Variants in CYB5R4 observed in about 807,000 individuals in gnomAD.
The protein encoded by CYB5R4 is N-terminal cytochrome b5 and cytochrome b5 oxidoreductase domain-containing protein.
In CYB5R4, 55 loss-of-function variants were observed where a neutral mutation model predicts 70.2. That is an observed-to-expected ratio of 0.78 (90% confidence interval 0.63 to 0.98). The LOEUF (loss-of-function observed/expected upper bound fraction) is 0.98, where lower values mean the gene tolerates loss of function less well. CYB5R4 is among the 50% of genes least tolerant of loss of function. The pLI, the probability that CYB5R4 is intolerant of heterozygous loss-of-function variation, is 0.00. For synonymous variants in CYB5R4, 197 were observed against 199.5 expected (o/e 0.99, Z 0.11); for missense variants, 562 against 612.6 (o/e 0.92, Z 0.87).
At chr6:83,889,103 G>A (rs1056763591) in intron 2 of CYB5R4, among the ~76,000 whole-genome samples, 3 of 152,188 alleles carry the variant, frequency 2.0e-5, no homozygotes, top group Non-Finnish European at 4.4e-5. Flanking sequence ...TGGTTCATGA[G>A]GTTTAAGGAA....
intron 3 of CYB5R4, among the ~76,000 whole-genome samples, chr6:83,894,235 T>C (rs897464325): frequency 2.0e-5 from 3 of 152,234 alleles, no homozygotes; most frequent in African/African-American, 7.2e-5. Flanking sequence ...ATTTTAAAGT[T>C]ATGCAGAATG....
At chr6:83,913,421 C>A (rs2099465003) in intron 4 of CYB5R4, among the ~76,000 whole-genome samples, 1 of 152,160 alleles carries the variant, frequency 6.6e-6, no homozygotes, top group Non-Finnish European at 1.5e-5. Context: ...AGATTTCATT[C>A]AAGTCCTTTG....
chr6:83,921,158 T>G lies in CYB5R4; in HGVS notation c.641T>G (p.Leu214Ter). 6.6e-7 allele frequency: 1 copy of G among 1,515,240 alleles called. No homozygotes were observed. The highest frequency in any genetic ancestry group is 9.0e-7 in the Non-Finnish European group (1 of 1,113,494). The allele number at this position is 1,515,240 out of a possible 1,614,324, so 93.9% of individuals were successfully genotyped here. ...FRAETIIKDC[L>*]YLIHIGLSHE... ...GCAGAAACAATTATTAAGGATTGTTTATATCTTATACATATTGGTGAGTAC... is the reference window on the plus strand; with the variant it reads ...GCAGAAACAATTATTAAGGATTGTTGATATCTTATACATATTGGTGAGTAC... Residue 214 changes from leucine to a stop codon, truncating the protein, a stop_gained, in exon 8 of 16, where the codon TTA becomes TGA. Coordinates refer to ENST00000369681, the MANE Select transcript of CYB5R4 (RefSeq NM_016230.4). LOFTEE classifies it high-confidence loss of function.
chr6:83,896,829 GT>G (rs1214535764), intron 3 of CYB5R4, among the ~76,000 whole-genome samples: 1 of 151,768 alleles, frequency 6.6e-6, no homozygotes, highest in African/African-American at 2.4e-5. Flanking sequence ...TAATATTTTA[GT>G]TTTTTAAGAA....
intron 12 of CYB5R4, among the ~76,000 whole-genome samples, chr6:83,937,422 C>G (rs1231068396): frequency 2.0e-5 from 3 of 152,150 alleles, no homozygotes; most frequent in Non-Finnish European, 2.9e-5. Context: ...CATTACAAGA[C>G]TTTGAGTTTA....
chr6:83,910,050 C>T, intron 4 of CYB5R4: 2 of 1,612,378 alleles, frequency 1.2e-6, no homozygotes, highest in Non-Finnish European at 1.7e-6. Context: ...CATTGGACAG[C>T]TCTTTGGTTC....
intron 14 of CYB5R4, among the ~76,000 whole-genome samples, chr6:83,946,771 C>G (rs1200775274): frequency 6.6e-6 from 1 of 151,868 alleles, no homozygotes; most frequent in African/African-American, 2.4e-5. Flanking sequence ...TTCCTATACA[C>G]CAATAATAGA....
chr6:83,912,859 C>T (rs2099464903), intron 4 of CYB5R4, among the ~76,000 whole-genome samples: 1 of 152,152 alleles, frequency 6.6e-6, no homozygotes, highest in African/African-American at 2.4e-5. Context: ...TCTCTTTCTA[C>T]TAGTACTTCT....
chr6:83,903,464 A>C (rs1188952847), intron 3 of CYB5R4, among the ~76,000 whole-genome samples: 1 of 151,964 alleles, frequency 6.6e-6, no homozygotes, highest in East Asian at 1.9e-4. Context: ...TATCAGTGAT[A>C]TTGTAGTTTT....
intron 14 of CYB5R4, among the ~76,000 whole-genome samples, 156 bp downstream of exon 14, chr6:83,940,757 TC>T (rs1371502266): frequency 6.6e-6 from 1 of 152,160 alleles, no homozygotes; most frequent in African/African-American, 2.4e-5. Flanking sequence ...TGTTAAATGT[TC>T]CCCTTCCCTC....
chr6:83,960,193 A>G lies in CYB5R4; in HGVS notation c.*315A>G, dbSNP rs1284374471. On this transcript the variant is annotated 3_prime_UTR_variant, in exon 16 of 16. Coordinates refer to ENST00000369681, the MANE Select transcript of CYB5R4 (RefSeq NM_016230.4). ...GTTCTACAATAAGCACTTGTGTTTT[A>G]TGACATGATAAAGTAAATGATCACT... 9.9e-6 allele frequency: 2 copies of G among 202,292 alleles called. No homozygotes were observed. The highest frequency in any genetic ancestry group is 2.0e-5 in the Non-Finnish European group (2 of 101,624). 12.5% of individuals were successfully genotyped at this position (202,292 alleles called of 1,614,324 possible). A position where few individuals can be genotyped will look rare whatever the true frequency, so the allele number is the denominator to read the frequency against.
chr6:83,880,437 G>A (rs902751502), intron 2 of CYB5R4, among the ~76,000 whole-genome samples: 1 of 151,994 alleles, frequency 6.6e-6, no homozygotes, highest in African/African-American at 2.4e-5. Context: ...TAGACAGTCA[G>A]GAAAATGAAC....
chr6:83,879,504 C>G (rs943199074), intron 2 of CYB5R4, among the ~76,000 whole-genome samples: 2 of 152,106 alleles, frequency 1.3e-5, no homozygotes, highest in Non-Finnish European at 2.9e-5. Flanking sequence ...TTTACTGCCC[C>G]TTTCCATCAA....
rs147306458 is a variant in CYB5R4, at chr6:83,881,239, G to A, written c.230-12283G>A. Reference sequence around the variant, plus strand: ...ACCCAGGCTGGAGTGCAGTGGTGCAGTACCAGCTCACTGCAGCCTCAGACT... The same window carrying A: ...ACCCAGGCTGGAGTGCAGTGGTGCAATACCAGCTCACTGCAGCCTCAGACT... On this transcript the variant is annotated intron_variant, in intron 2 of 15. Transcript: ENST00000369681. 1.1e-4 allele frequency among the ~76,000 whole-genome samples: 17 copies of A among 151,894 alleles called. No homozygotes were observed. In the East Asian group the frequency reaches 3.3e-3, roughly 29 times the overall value.
intron 14 of CYB5R4, among the ~76,000 whole-genome samples, chr6:83,943,756 A>G (rs1489696304): frequency 6.6e-6 from 1 of 152,056 alleles, no homozygotes; most frequent in Non-Finnish European, 1.5e-5. Flanking sequence ...CAGTTTGGAG[A>G]AGAACATAAA....
chr6:83,952,995 T>C (rs6454349), intron 14 of CYB5R4, among the ~76,000 whole-genome samples: 43,901 of 152,102 alleles, frequency 0.29, 12,062 homozygotes, highest in African/African-American at 0.72. Context: ...CCTCTTATGC[T>C]GACAGATATG....
chr6:83,924,069 CAAAAAAA>C (rs34702511), intron 9 of CYB5R4, among the ~76,000 whole-genome samples: 2 of 52,896 alleles, frequency 3.8e-5, no homozygotes, highest in East Asian at 5.1e-4. Flanking sequence ...GACTCCGTCT[CAAAAAAA>C]AAAAAAAAAA....
chr6:83,900,823 G>A (rs2099462805), intron 3 of CYB5R4, among the ~76,000 whole-genome samples: 1 of 152,098 alleles, frequency 6.6e-6, no homozygotes, highest in African/African-American at 2.4e-5. Context: ...TTGCTTGGTA[G>A]ATCTTCCTCC....
chr6:83,933,456 T>A (rs1274354822), intron 10 of CYB5R4, among the ~76,000 whole-genome samples: 2 of 152,198 alleles, frequency 1.3e-5, no homozygotes, highest in Non-Finnish European at 2.9e-5. Context: ...GATTATTAGC[T>A]GTTGGCCCTT....
Sources: gnomAD v4.1 joint callset for allele counts (sites outside exome capture counted in the v4.1 genomes callset) on GRCh38, gnomAD v4.1.1 for gene constraint, MANE v1.5 for transcripts, NCBI Gene and HGNC (gene_info 2026-07-23, HGNC 2026-07-21) for gene names.